The following TRAPPC9 variants were observed in gnomAD, a reference collection of about 807,000 sequenced individuals.
The protein encoded by TRAPPC9 is IKK2 binding protein.
Under a neutral mutation model 124.0 loss-of-function variants are expected in TRAPPC9, and 83 were observed. The ratio of observed to expected loss-of-function variants is 0.67; its 90% confidence interval spans 0.56 to 0.80. TRAPPC9 has a LOEUF of 0.80. TRAPPC9 is among the 30% of genes least tolerant of loss of function. The pLI, the probability that TRAPPC9 is intolerant of heterozygous loss-of-function variation, is 0.00. For synonymous variants in TRAPPC9, 638 were observed against 617.5 expected (o/e 1.03, Z -0.49); for missense variants, 1,302 against 1,508.3 (o/e 0.86, Z 2.27).
At chr8:140,002,943 C>A (rs1838499770) in intron 18 of TRAPPC9, among the ~76,000 whole-genome samples, 2 of 134,958 alleles carry the variant, frequency 1.5e-5, no homozygotes, top group Admixed American at 1.5e-4. Flanking sequence ...CAAAACTGTA[C>A]AATTTTACAA....
At chr8:140,198,803 C>A (rs1339774629) in intron 17 of TRAPPC9, among the ~76,000 whole-genome samples, 1 of 152,196 alleles carries the variant, frequency 6.6e-6, no homozygotes, top group South Asian at 2.1e-4. Context: ...GCTGAGATTT[C>A]CTGAATGGCA....
intron 5 of TRAPPC9, among the ~76,000 whole-genome samples, chr8:140,419,911 ACT>A (rs1242868062): frequency 2.0e-5 from 3 of 151,560 alleles, no homozygotes; most frequent in Non-Finnish European, 2.9e-5. Flanking sequence ...ACGATGAAAA[ACT>A]CTGTCTCTTT....
rs1229031931 is a variant in TRAPPC9, at chr8:140,221,468, G to A, written c.2547C>T (p.Ser849=). The part of the protein sequence containing the change: ...PPESNKAGDY[S]HVKTLEAVLN... Reference sequence around the variant, plus strand: ...TGCCATACCAACTCACCTTCACGTGGCTGTAGTCGCCTGCTTTGTTGCTCT... The same window carrying A: ...TGCCATACCAACTCACCTTCACGTGACTGTAGTCGCCTGCTTTGTTGCTCT... Residue 849 remains serine, a synonymous_variant, in exon 17 of 23, where the codon AGC becomes AGT. Coordinates refer to ENST00000438773, the MANE Select transcript of TRAPPC9 (RefSeq NM_001160372.4). The A allele has an allele frequency of 6.2e-7, 1 of 1,613,992 alleles. No homozygotes were observed. The highest frequency in any genetic ancestry group is 1.3e-5 in the African/African-American group (1 of 74,910).
chr8:140,371,255 T>C, intron 7 of TRAPPC9, 75 bp from the exon 8 acceptor site: 1 of 1,386,054 alleles, frequency 7.2e-7, no homozygotes, highest in Admixed American at 2.0e-5. Flanking sequence ...ATTAAAAATG[T>C]CTCTTCATAA....
intron 9 of TRAPPC9, among the ~76,000 whole-genome samples, chr8:140,358,843 C>T (rs1010272485): frequency 6.6e-6 from 1 of 152,134 alleles, no homozygotes; most frequent in Non-Finnish European, 1.5e-5. Flanking sequence ...TTGTCCTTGA[C>T]GGGCAAGAGC....
intron 21 of TRAPPC9, among the ~76,000 whole-genome samples, chr8:139,796,376 C>T (rs905641481): frequency 1.3e-5 from 2 of 152,200 alleles, no homozygotes; most frequent in Non-Finnish European, 2.9e-5. Flanking sequence ...AGTTGGTTCC[C>T]GCCCAGAGAC....
chr8:140,140,451 G>C (rs527564907), intron 17 of TRAPPC9, among the ~76,000 whole-genome samples: 39 of 152,116 alleles, frequency 2.6e-4, no homozygotes, highest in African/African-American at 8.7e-4. Context: ...TTTTGGCCTG[G>C]ATATTTAATA....
At chr8:140,431,231 C>T (rs1006912775) in intron 4 of TRAPPC9, among the ~76,000 whole-genome samples, 38 of 151,780 alleles carry the variant, frequency 2.5e-4, no homozygotes, top group African/African-American at 8.7e-4. Flanking sequence ...CCAAGGCAGG[C>T]GGATCACCTG....
At chr8:139,885,188 T>C (rs1434857217) in intron 21 of TRAPPC9, among the ~76,000 whole-genome samples, 1 of 152,200 alleles carries the variant, frequency 6.6e-6, no homozygotes, top group Non-Finnish European at 1.5e-5. Flanking sequence ...ATAATAAAGA[T>C]TCTCACTTCA....
intron 19 of TRAPPC9, among the ~76,000 whole-genome samples, chr8:139,964,095 G>A (rs1835534090): frequency 6.6e-6 from 1 of 151,894 alleles, no homozygotes; most frequent in African/African-American, 2.4e-5. Context: ...GTGGTGGCGG[G>A]CACCTGTAGT....
chr8:139,977,617 C>CAAAA (rs368480588), intron 19 of TRAPPC9, among the ~76,000 whole-genome samples: 1 of 111,928 alleles, frequency 8.9e-6, no homozygotes, highest in East Asian at 2.7e-4. Context: ...GACTCTGTCT[C>CAAAA]AAAAAAAAAA....
chr8:139,934,277 A>C (rs1833376617), intron 19 of TRAPPC9, among the ~76,000 whole-genome samples: 1 of 147,034 alleles, frequency 6.8e-6, no homozygotes, highest in Admixed American at 6.7e-5. Flanking sequence ...CTTCAAGTCC[A>C]GTCAGAGAGA....
At chr8:140,025,929 C>A (rs1024340584) in intron 17 of TRAPPC9, among the ~76,000 whole-genome samples, 2 of 152,198 alleles carry the variant, frequency 1.3e-5, no homozygotes, top group African/African-American at 4.8e-5. Context: ...TCAACCATCT[C>A]CATCATCCAT....
chr8:140,163,060 A>C (rs936703822), intron 17 of TRAPPC9, among the ~76,000 whole-genome samples: 1 of 152,164 alleles, frequency 6.6e-6, no homozygotes, highest in Non-Finnish European at 1.5e-5. Flanking sequence ...TTTTAAAATA[A>C]TTTTTTAAAA....
At chr8:140,179,821 C>T (rs762421081) in intron 17 of TRAPPC9, among the ~76,000 whole-genome samples, 63 of 152,124 alleles carry the variant, frequency 4.1e-4, no homozygotes, top group Admixed American at 9.2e-4. Flanking sequence ...TACAAAACGT[C>T]CCTCTTTATT....
chr8:140,377,762 C>G (rs2068485611), intron 7 of TRAPPC9, among the ~76,000 whole-genome samples: 2 of 152,176 alleles, frequency 1.3e-5, no homozygotes, highest in African/African-American at 4.8e-5. Flanking sequence ...CCGAAATAGA[C>G]TAATGCCTTC....
intron 7 of TRAPPC9, among the ~76,000 whole-genome samples, chr8:140,386,738 T>G (rs1019639493): frequency 3.3e-5 from 5 of 152,180 alleles, no homozygotes; most frequent in Non-Finnish European, 7.4e-5. Context: ...ATGGCCATAC[T>G]GCCCAAGGTA....
chr8:139,734,299 G>C (rs1818019747), intron 21 of TRAPPC9, among the ~76,000 whole-genome samples: 1 of 152,246 alleles, frequency 6.6e-6, no homozygotes, highest in Non-Finnish European at 1.5e-5. Context: ...TTCATGTCCA[G>C]TGCGTCCTTA....
intron 15 of TRAPPC9, among the ~76,000 whole-genome samples, chr8:140,271,459 C>T (rs930959223): frequency 1.3e-4 from 20 of 152,010 alleles, no homozygotes; most frequent in African/African-American, 1.9e-4. Context: ...GGTCACGCCA[C>T]GCGTCCAACA....
Sources: gnomAD v4.1 joint callset for allele counts (sites outside exome capture counted in the v4.1 genomes callset) on GRCh38, gnomAD v4.1.1 for gene constraint, MANE v1.5 for transcripts, NCBI Gene and HGNC (gene_info 2026-07-23, HGNC 2026-07-21) for gene names.